KIRREL2: variants seen among roughly 807,000 people sequenced by gnomAD.
KIRREL2 encodes kirre like nephrin family adhesion molecule 2.
In KIRREL2, 56 loss-of-function variants were observed where a neutral mutation model predicts 73.4. The observed-to-expected ratio is 0.76, with a 90% CI of 0.62 to 0.95. KIRREL2 has a LOEUF of 0.95. KIRREL2 is among the 40% of genes least tolerant of loss of function. KIRREL2 has a pLI of 0.00. For synonymous variants in KIRREL2, 407 were observed against 404.0 expected (o/e 1.01, Z -0.09); for missense variants, 896 against 935.0 (o/e 0.96, Z 0.54).
At chr19:35,862,670 C>A in intron 12 of KIRREL2, 73 bp downstream of exon 12, 1 of 1,163,306 alleles carries the variant, frequency 8.6e-7, no homozygotes, top group Non-Finnish European at 1.3e-6. Context: ...AGTGACCTGA[C>A]CTGGCCTTGG....
upstream of KIRREL2, among the ~76,000 whole-genome samples, chr19:35,855,684 CACACACACACACACACACACACAT>C (rs575001052): frequency 6.7e-5 from 10 of 148,228 alleles, no homozygotes; most frequent in South Asian, 4.4e-4. Flanking sequence ...CACACACACA[CACACACACACACACACACACACAT>C]ACACACAGGA....
chr19:35,853,747 T>C (rs1017563607), upstream of KIRREL2, among the ~76,000 whole-genome samples: 1 of 151,776 alleles, frequency 6.6e-6, no homozygotes, highest in South Asian at 2.1e-4. Flanking sequence ...TCATGGCTCA[T>C]TGAAGCCTCA....
intron 14 of KIRREL2, among the ~76,000 whole-genome samples, chr19:35,865,002 A>T (rs544716813): frequency 1.3e-5 from 2 of 151,878 alleles, no homozygotes; most frequent in East Asian, 3.9e-4. Context: ...CATCACGGTC[A>T]AGCCCCCTTT....
At chr19:35,862,458 C>T in intron 11 of KIRREL2, 35 bp from the exon 12 acceptor site, 1 of 1,507,862 alleles carries the variant, frequency 6.6e-7, no homozygotes, top group Non-Finnish European at 9.2e-7. Flanking sequence ...GGTTCCCCCT[C>T]AGCCTTCTCA....
At chr19:35,862,378 T>G in intron 11 of KIRREL2, 115 bp from the exon 12 acceptor site, 1 of 806,190 alleles carries the variant, frequency 1.2e-6, no homozygotes. Flanking sequence ...TTCAAGGGCC[T>G]TTGAATCTTC....
intron 9 of KIRREL2, 45 bp from the exon 10 acceptor site, chr19:35,861,496 G>A (rs1973681383): frequency 1.3e-5 from 21 of 1,589,660 alleles, no homozygotes; most frequent in Non-Finnish European, 1.8e-5. Flanking sequence ...AGCCTTTGGG[G>A]AGGGCAAGAC....
rs749694185 is a variant in KIRREL2, at chr19:35,861,983, G to A, written c.1469G>A (p.Arg490Gln). ...SRSFNCSARNRLGEGGAQASL... is the reference protein window; with the variant it reads ...SRSFNCSARNQLGEGGAQASL... Reference sequence around the variant, plus strand: ...AGCTTTAACTGCAGTGCCCGGAACCGGCTGGGCGAGGGAGGTGCCCAGGCC... The same window carrying A: ...AGCTTTAACTGCAGTGCCCGGAACCAGCTGGGCGAGGGAGGTGCCCAGGCC... The change falls in exon 11 of 15, where the codon CGG (arginine) becomes CAG (glutamine). Residue 490 changes from arginine (R) to glutamine (Q), a missense_variant. By Grantham distance (43) the Arg-to-Gln change is conservative. Transcript: ENST00000360202. 3.9e-5 allele frequency: 63 copies of A among 1,612,392 alleles called. No individual in the cohort carries two copies. In the Middle Eastern group the frequency reaches 8.2e-4, roughly 21 times the overall value.
chr19:35,851,587 T>G (rs775477921), upstream of KIRREL2: 3 of 1,613,838 alleles, frequency 1.9e-6, no homozygotes, highest in African/African-American at 2.7e-5. Flanking sequence ...GCAGCTCCAC[T>G]GAGGCCCCCT....
intron 13 of KIRREL2, among the ~76,000 whole-genome samples, chr19:35,864,257 C>G (rs1432707080): frequency 6.6e-6 from 1 of 152,002 alleles, no homozygotes; most frequent in Non-Finnish European, 1.5e-5. Context: ...GTGGTGCAAT[C>G]CAGACTCACT....
At chr19:35,851,648 G>A, upstream of KIRREL2, 1 of 1,613,634 alleles carries the variant, frequency 6.2e-7, no homozygotes, top group South Asian at 1.1e-5. Context: ...GGGAACGGAG[G>A]CAGGAATCGC....
Position 35,861,790 on chromosome 19 carries a change from C to T in KIRREL2, c.1291-15C>T, listed in dbSNP as rs377750324. ...CCTCAGTCTCCTCCGTGTCCTCCCT[C>T]TTTTGTGCCCCCAGGTCTGGTCTTG... On this transcript the variant is annotated splice_polypyrimidine_tract_variant and intron_variant, in intron 10 of 14. Transcript: ENST00000360202. 54 of 1,588,002 alleles carry T rather than the reference C, an allele frequency of 3.4e-5. No individual in the cohort carries two copies. Among genetic ancestry groups the T allele is most frequent in the Non-Finnish European group, 4.5e-5 (53 of 1,166,818 alleles).
chr19:35,864,734 G>A (rs1426983521), intron 14 of KIRREL2, 21 bp downstream of exon 14: 1 of 1,581,742 alleles, frequency 6.3e-7, no homozygotes, highest in Non-Finnish European at 8.7e-7. Flanking sequence ...AGAGGGGTGG[G>A]GCTCCCTTCA....
chr19:35,854,141 C>T (rs193031021), upstream of KIRREL2, among the ~76,000 whole-genome samples: 34 of 151,482 alleles, frequency 2.2e-4, no homozygotes, highest in East Asian at 4.7e-3. Flanking sequence ...CGCTGCACCC[C>T]GCCACTTGGC....
At chr19:35,851,649 C>T, upstream of KIRREL2, 1 of 1,613,542 alleles carries the variant, frequency 6.2e-7, no homozygotes, top group Non-Finnish European at 8.5e-7. Flanking sequence ...GGAACGGAGG[C>T]AGGAATCGCC....
chr19:35,858,926 C>T (rs556237601), intron 4 of KIRREL2, 62 bp downstream of exon 4: 1 of 1,552,386 alleles, frequency 6.4e-7, no homozygotes, highest in East Asian at 2.2e-5. Flanking sequence ...TACACTCTGA[C>T]CACAGGCTCA....
At chr19:35,861,498 G>C (rs985626449) in intron 9 of KIRREL2, 43 bp from the exon 10 acceptor site, 1 of 1,593,136 alleles carries the variant, frequency 6.3e-7, no homozygotes, top group Non-Finnish European at 8.6e-7. Context: ...CCTTTGGGGA[G>C]GGCAAGACCT....
At chr19:35,852,735 C>T (rs532777568), upstream of KIRREL2, among the ~76,000 whole-genome samples, 12 of 152,260 alleles carry the variant, frequency 7.9e-5, no homozygotes, top group African/African-American at 2.9e-4. Flanking sequence ...GCCAGCTGGG[C>T]CCCCAGCTCT....
chr19:35,864,756 G>A lies in KIRREL2; in HGVS notation c.1791+43G>A, dbSNP rs61404440. 2.8e-3 allele frequency: 3,941 copies of A among 1,430,774 alleles called. 72 individuals carry two copies. In the African/African-American group the frequency reaches 0.041, roughly 15 times the overall value. 88.6% of individuals were successfully genotyped at this position (1,430,774 alleles called of 1,614,324 possible). ...TGGGGCTCCCTTCACTGTTGGGAGA[G>A]GCGGGGCTCCCTTCATTGTGTTTCC... On this transcript the variant is annotated intron_variant, in intron 14 of 14. Coordinates refer to ENST00000360202, the MANE Select transcript of KIRREL2 (RefSeq NM_199180.4).
At chr19:35,854,148 TG>T (rs1407670108), upstream of KIRREL2, among the ~76,000 whole-genome samples, 1 of 151,236 alleles carries the variant, frequency 6.6e-6, no homozygotes, top group Admixed American at 6.6e-5. Context: ...CCCCGCCACT[TG>T]GCTAATTTTT....
Sources: gnomAD v4.1 joint callset for allele counts (sites outside exome capture counted in the v4.1 genomes callset) on GRCh38, gnomAD v4.1.1 for gene constraint, MANE v1.5 for transcripts, NCBI Gene and HGNC (gene_info 2026-07-23, HGNC 2026-07-21) for gene names.